The following WDR90 variants were observed in gnomAD, a reference collection of about 807,000 sequenced individuals.
The protein encoded by WDR90 is WD repeat-containing protein 90.
In WDR90, 238 loss-of-function variants were observed where a neutral mutation model predicts 195.2. The observed-to-expected ratio is 1.22, with a 90% CI of 1.10 to 1.36. The LOEUF (loss-of-function observed/expected upper bound fraction) is 1.36, where lower values mean the gene tolerates loss of function less well. WDR90 is among the 40% of genes most tolerant of loss of function. The probability of loss-of-function intolerance (pLI) is 0.00; values close to 1 mark genes in which losing one functional copy is unlikely to be tolerated. For synonymous variants in WDR90, 1,265 were observed against 1,052.4 expected, an observed-to-expected ratio of 1.20 and a Z score of -3.91; for missense variants, 2,734 against 2,439.5, an observed-to-expected ratio of 1.12 and a Z score of -2.54.
At chr16:660,530 C>T (rs1182406493) in intron 27 of WDR90, 82 bp from the exon 28 acceptor site, 1 of 1,429,392 alleles carries the variant, frequency 7.0e-7, no homozygotes, top group South Asian at 1.2e-5. Flanking sequence ...GGGTGTGCCC[C>T]AACACAGCCT....
rs775668493 is a variant in WDR90 at position 655,826 on chromosome 16, G to A, written c.1903G>A (p.Gly635Ser). 10 of 1,597,228 alleles carry A rather than the reference G, an allele frequency of 6.3e-6. No homozygotes were observed. The highest frequency in any genetic ancestry group is 6.8e-6 in the Non-Finnish European group (8 of 1,173,782). Residue 635 changes from glycine (G) to serine (S), a missense_variant, in exon 17 of 41, where the codon GGC becomes AGC. Coordinates refer to ENST00000293879, the MANE Select transcript of WDR90 (RefSeq NM_145294.5). Reference sequence around the variant, plus strand: ...CGTCTCCCCGGCCATGTGTGCTGTGGGCTCTGAGGACGGCTTCTTGCGGCT... The same window carrying A: ...CGTCTCCCCGGCCATGTGTGCTGTGAGCTCTGAGGACGGCTTCTTGCGGCT... The part of the protein sequence containing the change: ...LSVSPAMCAV[G>S]SEDGFLRLWP...
Position 661,914 on chromosome 16 carries a change from G to A in WDR90, c.3888G>A (p.Glu1296=). ...AGGTGCGTCGAGAGCCAGTCCCAGA[G>A]GCAGTGGGGGCTGGAGAGCTGACCT... ...SLQVRREPVP[E]AVGAGELTSL... Residue 1296 remains glutamate (E), a synonymous_variant, in exon 32 of 41, where the codon GAG becomes GAA. Transcript: ENST00000293879. 2 of 1,609,908 alleles carry A rather than the reference G, an allele frequency of 1.2e-6. No individual in the cohort carries two copies. Among genetic ancestry groups the A allele is most frequent in the Non-Finnish European group, 8.5e-7 (1 of 1,179,512 alleles).
rs905983721 is a variant in WDR90, at chr16:658,655, T to C, written c.2895+2T>C. The C allele has an allele frequency of 3.1e-6, 5 of 1,606,098 alleles. No homozygotes were observed. The African/African-American group carries it at 6.7e-5, about 22-fold the overall frequency. On this transcript the variant is annotated splice_donor_variant, in intron 23 of 40. Transcript: ENST00000293879. LOFTEE classifies it high-confidence loss of function. Reference sequence around the variant, plus strand: ...ACACAGGCCAGCCCAGGCCCCCAGGTGTGTGCGTGGGGAGGCAGGTGGCTT... The same window carrying C: ...ACACAGGCCAGCCCAGGCCCCCAGGCGTGTGCGTGGGGAGGCAGGTGGCTT...
intron 18 of WDR90, 35 bp downstream of exon 18, chr16:656,572 C>T (rs1304686830): frequency 2.6e-6 from 4 of 1,562,070 alleles, no homozygotes; most frequent in African/African-American, 1.4e-5. Flanking sequence ...GCAGGGAGGG[C>T]CGGGAGGTCC....
rs770407694 is a variant in WDR90, at chr16:661,456, C to G, written c.3628C>G (p.Leu1210Val). 2 of 1,611,662 alleles carry G rather than the reference C, an allele frequency of 1.2e-6. No individual in the cohort carries two copies. Among genetic ancestry groups the G allele is most frequent in the East Asian group, 2.2e-5 (1 of 44,838 alleles). ...CATTTTCCCCCATAGCACCACCGTG[C>G]TGGCCCTGGCCTTCTCACCAGATGA... is the stretch of plus-strand genomic sequence containing the variant. ...HLIFPHSTTV[L>V]ALAFSPDDRL... The change falls in exon 30 of 41, where the codon CTG becomes GTG. Residue 1210 changes from leucine to valine, a missense_variant. Leu to Val is a conservative substitution (Grantham distance 32, BLOSUM62 1). Transcript: ENST00000293879.
Position 658,847 on chromosome 16 carries a change from G to A in WDR90, c.2896-49G>A, listed in dbSNP as rs183488079. 460 of 1,600,936 alleles carry A rather than the reference G, an allele frequency of 2.9e-4. No individual in the cohort carries two copies. The African/African-American group carries it at 5.6e-3, about 19-fold the overall frequency. On this transcript the variant is annotated intron_variant, in intron 23 of 40. Coordinates refer to ENST00000293879, the MANE Select transcript of WDR90 (RefSeq NM_145294.5). ...GTCCCTGGGGACTGGGCACACGGCA[G>A]CATCCATGCCCCGCCTCGGGGTCCT...
At position 662,250 on chromosome 16, in the gene WDR90, T is replaced by TCAGC. The variant is rs1466610962; in HGVS notation, c.4065_4068dup (p.Gly1357GlnfsTer48). The TCAGC allele has an allele frequency of 6.3e-7, 1 of 1,582,688 alleles. No homozygotes were observed. Among genetic ancestry groups the TCAGC allele is most frequent in the African/African-American group, 1.3e-5 (1 of 74,400 alleles). Reference sequence around the variant, plus strand: ...TTGCTGTTCTCGGGTTCTCGATTGGTCAGCGGCAGCAGCACGGGGCGGCTG... The same window carrying TCAGC: ...TTGCTGTTCTCGGGTTCTCGATTGGTCAGCCAGCGGCAGCAGCACGGGGCGGCTG... On this transcript the variant is annotated frameshift_variant, in exon 33 of 41. Transcript: ENST00000293879. LOFTEE classifies it high-confidence loss of function.
chr16:665,864 G>A, intron 35 of WDR90, 63 bp downstream of exon 35: 2 of 1,551,936 alleles, frequency 1.3e-6, no homozygotes, highest in Non-Finnish European at 1.7e-6. Context: ...GGCCTGGCAT[G>A]GGCGGGGCCG....
At chr16:653,298 C>T (rs2151187875) in intron 10 of WDR90, 43 bp from the exon 11 acceptor site, 1 of 1,439,280 alleles carries the variant, frequency 6.9e-7, no homozygotes, top group Middle Eastern at 2.0e-4. Flanking sequence ...CAGGAGGGGC[C>T]TGGCGTAGCA....
At position 653,464 on chromosome 16, in the gene WDR90, C is replaced by T. The variant is rs371142445; in HGVS notation, c.1233+13C>T. ...CCACACAGACAAGGTGGGTGCTGCC[C>T]GGGCCTGGGGCAGCTCACACCTGCA... On this transcript the variant is annotated intron_variant, in intron 11 of 40. Coordinates refer to ENST00000293879, the MANE Select transcript of WDR90 (RefSeq NM_145294.5). The T allele has an allele frequency of 1.6e-4, 266 of 1,612,332 alleles. No individual in the cohort carries two copies. The highest frequency in any genetic ancestry group is 2.1e-4 in the Non-Finnish European group (242 of 1,179,586).
At chr16:653,693 C>G (rs2037690175) in intron 12 of WDR90, 23 bp downstream of exon 12, 1 of 1,613,162 alleles carries the variant, frequency 6.2e-7, no homozygotes, top group Non-Finnish European at 8.5e-7. Context: ...CTGCCCCATG[C>G]AGGGGGAGGG....
At position 667,685 on chromosome 16, in the gene WDR90, T is replaced by C; in HGVS notation, c.*96T>C. ...AGGCGCCAGGTTGTCAATGGCCTCA[T>C]GCTGGGACAGGCCAGGATTCACGTA... is the stretch of plus-strand genomic sequence containing the variant. On this transcript the variant is annotated 3_prime_UTR_variant, in exon 41 of 41. Coordinates refer to ENST00000293879, the MANE Select transcript of WDR90 (RefSeq NM_145294.5). The C allele has an allele frequency of 6.4e-7, 1 of 1,551,478 alleles. No homozygotes were observed. Among genetic ancestry groups the C allele is most frequent in the Non-Finnish European group, 8.7e-7 (1 of 1,148,594 alleles).
rs752776531 is a variant in WDR90 at position 649,987 on chromosome 16, C to T, written c.103-4C>T. The T allele has an allele frequency of 5.0e-6, 8 of 1,612,350 alleles. No homozygotes were observed. The highest frequency in any genetic ancestry group is 6.8e-6 in the Non-Finnish European group (8 of 1,179,668). On this transcript the variant is annotated splice_region_variant and splice_polypyrimidine_tract_variant and intron_variant, in intron 2 of 40. Coordinates refer to ENST00000293879, the MANE Select transcript of WDR90 (RefSeq NM_145294.5). ...GTCGGTGATGCGGGCTCCCGCTTCT[C>T]CAGGACAAGACCCTGAAGGGCGCCG...
Position 666,262 on chromosome 16 carries a change from T to A in WDR90, c.4652T>A (p.Val1551Glu). The A allele has an allele frequency of 6.2e-7, 1 of 1,612,704 alleles. No homozygotes were observed. The change falls in exon 37 of 41, where the codon GTG (valine) becomes GAG (glutamate). Residue 1551 changes from valine to glutamate, a missense_variant. Val to Glu is a moderately radical substitution (Grantham distance 121). Coordinates refer to ENST00000293879, the MANE Select transcript of WDR90 (RefSeq NM_145294.5). ...LSGDKDGLVA[V>E]SHPCTGTTFR... ...GGAGACAAGGATGGGCTCGTGGCTG[T>A]GAGCCACCCCTGCACAGGGACAACC...
chr16:658,738 C>A (rs974977220), intron 23 of WDR90, 85 bp downstream of exon 23: 1 of 1,562,772 alleles, frequency 6.4e-7, no homozygotes, highest in Admixed American at 1.8e-5. Flanking sequence ...TGGGTGGGGG[C>A]AGGGAGAGCA....
intron 19 of WDR90, 105 bp from the exon 20 acceptor site, chr16:656,986 C>A: frequency 6.4e-7 from 1 of 1,553,818 alleles, no homozygotes; most frequent in Non-Finnish European, 8.7e-7. Context: ...CCCTTTGCTG[C>A]CCCATGGGGA....
chr16:662,633 G>A, intron 33 of WDR90, 46 bp from the exon 34 acceptor site: 1 of 1,516,172 alleles, frequency 6.6e-7, no homozygotes, highest in Non-Finnish European at 8.8e-7. Flanking sequence ...CTTGTCATCG[G>A]CCTTGAGACC....
Position 659,385 on chromosome 16 carries a change from C to T in WDR90, c.3184+9C>T, listed in dbSNP as rs1207019936. 1 of 1,589,212 alleles carries T rather than the reference C, an allele frequency of 6.3e-7. No homozygotes were observed. The highest frequency in any genetic ancestry group is 8.6e-7 in the Non-Finnish European group (1 of 1,168,980). On this transcript the variant is annotated intron_variant, in intron 26 of 40. Coordinates refer to ENST00000293879, the MANE Select transcript of WDR90 (RefSeq NM_145294.5). ...TCCCGAAGGTGGCGATGGTGAGCAG[C>T]AGGGGTCCTGGAGGAGTGGGGGGAT...
rs760664892 is a variant in WDR90, at chr16:653,482, C to T, written c.1233+31C>T. On this transcript the variant is annotated intron_variant, in intron 11 of 40. Transcript: ENST00000293879. ...TGCTGCCCGGGCCTGGGGCAGCTCACACCTGCAGCCCCTACACCCTCCCTC... is the reference window on the plus strand; with the variant it reads ...TGCTGCCCGGGCCTGGGGCAGCTCATACCTGCAGCCCCTACACCCTCCCTC... The T allele has an allele frequency of 5.6e-5, 91 of 1,612,382 alleles. No homozygotes were observed. The East Asian group carries it at 2.0e-3, about 36-fold the overall frequency.
Sources: allele counts gnomAD v4.1 joint callset, GRCh38; gene constraint gnomAD v4.1.1; transcripts MANE v1.5; gene names NCBI Gene and HGNC (gene_info 2026-07-23, HGNC 2026-07-21).